PCDH15: variants seen among roughly 807,000 people sequenced by gnomAD.
The protein encoded by PCDH15 is protocadherin-15.
In PCDH15, 129 loss-of-function variants were observed where a neutral mutation model predicts 178.5. The observed-to-expected ratio is 0.72, with a 90% CI of 0.63 to 0.84. The LOEUF (loss-of-function observed/expected upper bound fraction) is 0.84. PCDH15 is among the 40% of genes least tolerant of loss of function. The pLI, the probability that PCDH15 is intolerant of heterozygous loss-of-function variation, is 0.00. For synonymous variants in PCDH15, 800 were observed against 732.0 expected, an observed-to-expected ratio of 1.09 and a Z score of -1.50; for missense variants, 2,230 against 2,099.9, an observed-to-expected ratio of 1.06 and a Z score of -1.21.
intron 25 of PCDH15, among the ~76,000 whole-genome samples, chr10:53,914,657 T>C (rs2083398250): frequency 6.6e-6 from 1 of 152,118 alleles, no homozygotes; most frequent in Non-Finnish European, 1.5e-5. Context: ...GAGAAATACC[T>C]AATGTAAATG....
intron 15 of PCDH15, among the ~76,000 whole-genome samples, chr10:54,108,788 T>G (rs903465405): frequency 3.3e-5 from 5 of 152,120 alleles, no homozygotes; most frequent in African/African-American, 1.2e-4. Flanking sequence ...TCTTACATCT[T>G]GAATACCAGG....
chr10:55,292,269 A>G (rs1843025917), intron 1 of PCDH15, among the ~76,000 whole-genome samples: 1 of 152,238 alleles, frequency 6.6e-6, no homozygotes, highest in Non-Finnish European at 1.5e-5. Flanking sequence ...CATTTGGGTA[A>G]ATACACCCAT....
At chr10:54,997,924 T>C (rs1381852585) in intron 2 of PCDH15, among the ~76,000 whole-genome samples, 1 of 152,132 alleles carries the variant, frequency 6.6e-6, no homozygotes, top group African/African-American at 2.4e-5. Context: ...GAAAGGGTTA[T>C]GATATGCAGA....
chr10:53,959,702 T>G (rs376878574), intron 23 of PCDH15, 30 bp downstream of exon 23: 3 of 1,519,594 alleles, frequency 2.0e-6, no homozygotes, highest in Non-Finnish European at 2.7e-6. Context: ...AAACATTTCG[T>G]GTATTTCAAA....
chr10:54,330,960 C>T (rs571092339), intron 6 of PCDH15, among the ~76,000 whole-genome samples: 1 of 148,746 alleles, frequency 6.7e-6, no homozygotes, highest in Non-Finnish European at 1.5e-5. Flanking sequence ...TAGATTGCTG[C>T]AAAAGGAAGG....
chr10:54,597,989 T>C (rs551482830), intron 2 of PCDH15, among the ~76,000 whole-genome samples: 2 of 152,180 alleles, frequency 1.3e-5, no homozygotes, highest in Admixed American at 6.6e-5. Flanking sequence ...GAATCAGTAA[T>C]AAACAGCCTG....
chr10:54,193,360 T>G (rs1490786923), intron 11 of PCDH15, among the ~76,000 whole-genome samples: 1 of 152,218 alleles, frequency 6.6e-6, no homozygotes, highest in African/African-American at 2.4e-5. Context: ...TTTGCTATTG[T>G]GTAAACTTAA....
At chr10:55,130,985 T>G (rs574412376) in intron 2 of PCDH15, among the ~76,000 whole-genome samples, 1 of 152,238 alleles carries the variant, frequency 6.6e-6, no homozygotes, top group African/African-American at 2.4e-5. Context: ...CTATTTCAAG[T>G]ACAGTTGTGA....
chr10:55,523,335 CT>C (rs1229073694), intron 2 of PCDH15, among the ~76,000 whole-genome samples: 1 of 150,936 alleles, frequency 6.6e-6, no homozygotes, highest in Non-Finnish European at 1.5e-5. Context: ...TAGCAATTTT[CT>C]TTTTTAAAGT....
intron 2 of PCDH15, among the ~76,000 whole-genome samples, chr10:54,919,902 A>G (rs1484549536): frequency 6.6e-6 from 1 of 152,108 alleles, no homozygotes; most frequent in Non-Finnish European, 1.5e-5. Context: ...GGAAAAAAAA[A>G]AGGCTCTGTA....
intron 13 of PCDH15, among the ~76,000 whole-genome samples, chr10:54,158,147 T>G (rs1298122699): frequency 6.6e-6 from 1 of 152,190 alleles, no homozygotes; most frequent in African/African-American, 2.4e-5. Flanking sequence ...TCAGGTATGT[T>G]TTCAGCATCA....
intron 3 of PCDH15, among the ~76,000 whole-genome samples, chr10:54,502,392 T>G (rs2080776471): frequency 1.3e-5 from 2 of 152,126 alleles, no homozygotes; most frequent in Non-Finnish European, 2.9e-5. Context: ...TAACAGCCTT[T>G]TCTCTCTTCC....
At chr10:55,335,466 T>C (rs1844359383) in intron 2 of PCDH15, among the ~76,000 whole-genome samples, 1 of 152,232 alleles carries the variant, frequency 6.6e-6, no homozygotes, top group African/African-American at 2.4e-5. Context: ...CATGTGATAT[T>C]TAAAAATCTT....
At chr10:54,769,783 G>A (rs1041882307) in intron 1 of PCDH15, among the ~76,000 whole-genome samples, 1 of 152,074 alleles carries the variant, frequency 6.6e-6, no homozygotes, top group African/African-American at 2.4e-5. Context: ...GCATAAGCCA[G>A]TTAGGGTGAA....
At chr10:54,811,682 G>A (rs1379751811) in intron 3 of PCDH15, among the ~76,000 whole-genome samples, 1 of 152,058 alleles carries the variant, frequency 6.6e-6, no homozygotes, top group African/African-American at 2.4e-5. Flanking sequence ...TGTTGGCCAG[G>A]ATGGTCTCGA....
intron 2 of PCDH15, chr10:55,597,083 T>A (rs1051121513): frequency 3.9e-5 from 6 of 152,180 alleles, no homozygotes; most frequent in Non-Finnish European, 7.3e-5. Flanking sequence ...GCATTTCGTA[T>A]TTTTTAATTT....
At chr10:54,819,977 T>TTAAAGTAG (rs1953010323) in intron 3 of PCDH15, among the ~76,000 whole-genome samples, 1 of 150,064 alleles carries the variant, frequency 6.7e-6, no homozygotes, top group African/African-American at 2.5e-5. Context: ...CATTACTTGA[T>TTAAAGTAG]TAAAGTAGTA....
At chr10:54,017,663 G>A (rs368518028) in intron 20 of PCDH15, among the ~76,000 whole-genome samples, 12 of 151,834 alleles carry the variant, frequency 7.9e-5, no homozygotes, top group Non-Finnish European at 1.5e-4. Context: ...GTGAAGAAGC[G>A]GGGGTTGAGA....
chr10:54,682,219 ACTT>A (rs2094914967), intron 1 of PCDH15, among the ~76,000 whole-genome samples: 1 of 152,124 alleles, frequency 6.6e-6, no homozygotes, highest in African/African-American at 2.4e-5. Flanking sequence ...TTTATAATAC[ACTT>A]CTTCAAGTTT....
Sources: gnomAD v4.1 joint callset for allele counts (sites outside exome capture counted in the v4.1 genomes callset) on GRCh38, gnomAD v4.1.1 for gene constraint, MANE v1.5 for transcripts, NCBI Gene and HGNC (gene_info 2026-07-23, HGNC 2026-07-21) for gene names.